PCDHGA2: variants seen among roughly 807,000 people sequenced by gnomAD.
The protein encoded by PCDHGA2 is protocadherin gamma subfamily A, 2, also known as protocadherin gamma-A2.
Under a neutral mutation model 59.2 loss-of-function variants are expected in PCDHGA2, and 40 were observed. The observed-to-expected ratio is 0.68, with a 90% CI of 0.52 to 0.88. The LOEUF is 0.88. PCDHGA2 is among the 40% of genes least tolerant of loss of function. The pLI is 0.00. For synonymous variants in PCDHGA2, 560 were observed against 526.0 expected (o/e 1.06, Z -0.89); for missense variants, 1,226 against 1,204.0 (o/e 1.02, Z -0.27).
intron 1 of PCDHGA2, among the ~76,000 whole-genome samples, chr5:141,381,361 G>T (rs1050283609): frequency 2.0e-5 from 3 of 152,198 alleles, no homozygotes; most frequent in Non-Finnish European, 4.4e-5. Context: ...CTAGCAGAGG[G>T]TAGCCTCGGA....
intron 1 of PCDHGA2, among the ~76,000 whole-genome samples, chr5:141,348,890 T>C (rs1469503351): frequency 1.3e-5 from 2 of 152,164 alleles, no homozygotes; most frequent in Non-Finnish European, 2.9e-5. Context: ...TCTCATTTGG[T>C]AATGCATTTG....
chr5:141,367,878 CTTT>C (rs1165351222), intron 1 of PCDHGA2: 2 of 151,946 alleles, frequency 1.3e-5, no homozygotes, highest in South Asian at 2.1e-4. Flanking sequence ...TGCAATTCTT[CTTT>C]ATTACTTGAG....
chr5:141,429,476 A>T (rs1279691939), intron 1 of PCDHGA2, among the ~76,000 whole-genome samples: 1 of 152,112 alleles, frequency 6.6e-6, no homozygotes, highest in Non-Finnish European at 1.5e-5. Flanking sequence ...CAATCTCCAG[A>T]GTAGCTGAGA....
At chr5:141,452,421 C>A (rs1211472567) in intron 1 of PCDHGA2, among the ~76,000 whole-genome samples, 2 of 152,180 alleles carry the variant, frequency 1.3e-5, no homozygotes, top group Non-Finnish European at 2.9e-5. Context: ...ATGCTCACTG[C>A]TAATGGGCTG....
Position 141,490,389 on chromosome 5 carries a change from T to C in PCDHGA2, c.2425-4418T>C, listed in dbSNP as rs1221410350. The C allele has an allele frequency of 6.2e-7, 1 of 1,614,174 alleles. No homozygotes were observed. Among genetic ancestry groups the C allele is most frequent in the African/African-American group, 1.3e-5 (1 of 75,040 alleles). On this transcript the variant is annotated intron_variant, in intron 1 of 3. Transcript: ENST00000394576. The surrounding 1 kb of genome is among the most constrained non-coding windows in gnomAD (Gnocchi z 5.4). The stretch of plus-strand genomic sequence containing the variant: ...GAGACCGGGACTCAGGTAGAAATGG[T>C]GAAGTGAGCCTTGATATCTCTCCGG...
At chr5:141,357,464 A>G (rs1433151556) in intron 1 of PCDHGA2, 1 of 1,614,044 alleles carries the variant, frequency 6.2e-7, no homozygotes, top group Non-Finnish European at 8.5e-7. Flanking sequence ...ACCTATTCCC[A>G]CGAGGTCTCC....
chr5:141,391,648 C>T (rs760508987), intron 1 of PCDHGA2: 4 of 152,210 alleles, frequency 2.6e-5, no homozygotes, highest in Non-Finnish European at 5.9e-5. Context: ...AAAAAACTAT[C>T]ATACCAGTCT....
At chr5:141,346,632 GT>G in intron 1 of PCDHGA2, 2 of 975,258 alleles carry the variant, frequency 2.1e-6, no homozygotes, top group Non-Finnish European at 3.0e-6. Flanking sequence ...CCCCGGTCTG[GT>G]TATGGTTGAG....
In PCDHGA2 at chr5:141,353,085, C is replaced by T. The variant is rs368058412; in HGVS notation, c.2424+11690C>T. 3.9e-4 allele frequency among the ~76,000 whole-genome samples: 60 copies of T among 152,096 alleles called. No individual in the cohort carries two copies. In the East Asian group the frequency reaches 6.0e-3, roughly 15 times the overall value. On this transcript the variant is annotated intron_variant, in intron 1 of 3. Transcript: ENST00000394576. The stretch of plus-strand genomic sequence containing the variant: ...ATTGTTCTAGTGATGGTATCTACTG[C>T]GGGAGGGGGTACTAGATAGATGGAG...
At chr5:141,375,596 G>C (rs574950493) in intron 1 of PCDHGA2, 86 of 1,614,108 alleles carry the variant, frequency 5.3e-5, no homozygotes, top group Non-Finnish European at 6.9e-5. Context: ...GTCCTCCTAC[G>C]TGTCCATCAA....
At chr5:141,481,533 T>TG (rs1246139713) in intron 1 of PCDHGA2, among the ~76,000 whole-genome samples, 2 of 152,200 alleles carry the variant, frequency 1.3e-5, no homozygotes, top group Admixed American at 6.5e-5. Context: ...AATCTAGAGA[T>TG]GGGGCTGGGC....
Position 141,341,234 on chromosome 5 carries a change from C to T in PCDHGA2, c.2263C>T (p.His755Tyr). The T allele has an allele frequency of 6.2e-7, 1 of 1,614,238 alleles. No individual in the cohort carries two copies. The highest frequency in any genetic ancestry group is 8.5e-7 in the Non-Finnish European group (1 of 1,180,046). Reference protein sequence around the residue: ...GVRAFLQTYSHEVSLTADSRK... With the variant: ...GVRAFLQTYSYEVSLTADSRK... ...TCGGGCTTTCCTGCAGACCTATTCC[C>T]ACGAGGTCTCCCTCACTGCGGACTC... Residue 755 changes from histidine to tyrosine, a missense_variant, in exon 1 of 4, where the codon CAC becomes TAC. His to Tyr is a moderately conservative substitution (Grantham distance 83). Transcript: ENST00000394576.
intron 2 of PCDHGA2, among the ~76,000 whole-genome samples, chr5:141,499,352 CA>C (rs2099791418): frequency 6.6e-6 from 1 of 152,058 alleles, no homozygotes; most frequent in South Asian, 2.1e-4. Context: ...AGTCATTCAA[CA>C]AACAAATAGC....
intron 1 of PCDHGA2, chr5:141,398,029 G>C (rs1363038637): frequency 2.7e-6 from 4 of 1,458,540 alleles, no homozygotes; most frequent in Non-Finnish European, 3.7e-6. Flanking sequence ...ACTGGAACTG[G>C]AACTAAAGCC....
chr5:141,376,602 A>C, intron 1 of PCDHGA2: 1 of 1,521,112 alleles, frequency 6.6e-7, no homozygotes, highest in Non-Finnish European at 8.9e-7. Context: ...CTGTTATAGA[A>C]GCGAACCTCT....
At chr5:141,356,517 A>C (rs1588518468) in intron 1 of PCDHGA2, 2 of 1,614,054 alleles carry the variant, frequency 1.2e-6, no homozygotes. Flanking sequence ...CTCATATTTC[A>C]CTGCAAGTGA....
intron 2 of PCDHGA2, among the ~76,000 whole-genome samples, chr5:141,500,310 G>A (rs1327269551): frequency 6.6e-6 from 1 of 151,740 alleles, no homozygotes; most frequent in Non-Finnish European, 1.5e-5. Flanking sequence ...CCAGGTTCAC[G>A]CCATGCTCCT....
At chr5:141,380,975 T>C (rs1776901580) in intron 1 of PCDHGA2, among the ~76,000 whole-genome samples, 2 of 152,246 alleles carry the variant, frequency 1.3e-5, no homozygotes, top group Non-Finnish European at 2.9e-5. Flanking sequence ...ATTAAACAAA[T>C]AGAATTTAAC....
intron 2 of PCDHGA2, among the ~76,000 whole-genome samples, chr5:141,504,793 C>A (rs1256626821): frequency 9.9e-5 from 15 of 152,166 alleles, no homozygotes; most frequent in Admixed American, 3.9e-4. Context: ...GGGCCTCCTA[C>A]ATCTCCCCCT....
Sources: gnomAD v4.1 joint callset for allele counts (sites outside exome capture counted in the v4.1 genomes callset) on GRCh38, gnomAD v4.1.1 for gene constraint, Gnocchi (gnomAD v3.1) non-coding constraint, MANE v1.5 for transcripts, NCBI Gene and HGNC (gene_info 2026-07-23, HGNC 2026-07-21) for gene names.